Variants in TMEM184C observed in about 807,000 individuals in gnomAD.
TMEM184C encodes the protein transmembrane protein 184C.
A neutral mutation model predicts 54.5 loss-of-function variants in TMEM184C; 25 were observed. The ratio of observed to expected loss-of-function variants is 0.46; its 90% CI spans 0.33 to 0.64. TMEM184C has a LOEUF of 0.64. Among genes scored for constraint, TMEM184C ranks in the 30% least tolerant of loss-of-function variants. TMEM184C has a pLI of 0.02. For missense variants in TMEM184C, 335 were observed against 520.3 expected (o/e 0.64, Z 3.46); for synonymous variants, 148 against 181.5 (o/e 0.82, Z 1.49).
intron 1 of TMEM184C, among the ~76,000 whole-genome samples, chr4:147,622,016 G>A (rs1451390450): frequency 8.7e-5 from 12 of 137,836 alleles, no homozygotes; most frequent in African/African-American, 3.3e-4. Context: ...CCAGGGTCTC[G>A]CTCTGTCACC....
intron 4 of TMEM184C, among the ~76,000 whole-genome samples, chr4:147,625,504 T>TG (rs1732798309): frequency 6.6e-6 from 1 of 152,240 alleles, no homozygotes; most frequent in Non-Finnish European, 1.5e-5. Context: ...AGTTTACAAT[T>TG]GCATTTATTA....
intron 4 of TMEM184C, 133 bp downstream of exon 4, chr4:147,625,142 A>T: frequency 1.3e-6 from 1 of 792,348 alleles, no homozygotes; most frequent in South Asian, 1.9e-5. Flanking sequence ...ACAGCTCCTG[A>T]TGCAGTTCAT....
At position 147,636,288 on chromosome 4, in the gene TMEM184C, G is replaced by A. The variant is rs1733041405; in HGVS notation, c.*1854G>A. On this transcript the variant is annotated 3_prime_UTR_variant, in exon 10 of 10. Transcript: ENST00000296582. ...ATAAAAACACATACACAGGCCAGTGGGACAGAAGAAAGAGTCCAGATATAA... is the reference window on the plus strand; with the variant it reads ...ATAAAAACACATACACAGGCCAGTGAGACAGAAGAAAGAGTCCAGATATAA... 2 of 151,994 alleles carry A rather than the reference G, an allele frequency of 1.3e-5. No individual in the cohort carries two copies. The highest frequency in any genetic ancestry group is 4.8e-5 in the African/African-American group (2 of 41,396). The allele number at this position is 151,994 out of a possible 1,614,324, so 9.4% of individuals were successfully genotyped here.
intron 3 of TMEM184C, 85 bp downstream of exon 3, chr4:147,624,183 T>C: frequency 8.3e-7 from 1 of 1,211,070 alleles, no homozygotes; most frequent in South Asian, 1.4e-5. Flanking sequence ...AATGAAAGTA[T>C]GTTATTGACA....
intron 6 of TMEM184C, among the ~76,000 whole-genome samples, chr4:147,631,017 A>G (rs1732906866): frequency 6.6e-6 from 1 of 152,118 alleles, no homozygotes; most frequent in East Asian, 1.9e-4. Flanking sequence ...TTAGTTACAT[A>G]GGATAGACTA....
rs1333011504 is a variant in TMEM184C, at chr4:147,635,664, A to G, written c.*1230A>G. ...AGAGATAGTGGTTCACAGTAATCAT[A>G]CAAAGTCTTTATTCCATCCACTATT... is the stretch of plus-strand genomic sequence containing the variant. On this transcript the variant is annotated 3_prime_UTR_variant, in exon 10 of 10. Coordinates refer to ENST00000296582, the MANE Select transcript of TMEM184C (RefSeq NM_018241.3). 6.6e-6 allele frequency: 1 copy of G among 152,190 alleles called. No homozygotes were observed. The highest frequency in any genetic ancestry group is 1.5e-5 in the Non-Finnish European group (1 of 68,006). 9.4% of individuals were successfully genotyped at this position (152,190 alleles called of 1,614,324 possible). A position where few individuals can be genotyped will look rare whatever the true frequency, so the allele number is the denominator to read the frequency against.
chr4:147,617,785 C>T lies in TMEM184C; in HGVS notation c.-172C>T, dbSNP rs1288961887. On this transcript the variant is annotated 5_prime_UTR_variant, in exon 1 of 10. Transcript: ENST00000296582. ...GAGGCTACATTTGCAGAAGCAGCAG[C>T]AGCAGAAGACACAGCGCCGGTCCAG... 2 of 801,526 alleles carry T rather than the reference C, an allele frequency of 2.5e-6. No homozygotes were observed. Among genetic ancestry groups the T allele is most frequent in the Admixed American group, 2.2e-5 (1 of 45,866 alleles). The allele number at this position is 801,526 out of a possible 1,614,324, so 49.7% of individuals were successfully genotyped here.
At chr4:147,620,501 G>C (rs1732689079) in intron 1 of TMEM184C, among the ~76,000 whole-genome samples, 1 of 152,228 alleles carries the variant, frequency 6.6e-6, no homozygotes, top group African/African-American at 2.4e-5. Flanking sequence ...ACCAGCTATG[G>C]AAAATAAAGC....
chr4:147,624,553 C>G (rs1207393971), intron 3 of TMEM184C, among the ~76,000 whole-genome samples: 1 of 152,114 alleles, frequency 6.6e-6, no homozygotes, highest in African/African-American at 2.4e-5. Flanking sequence ...CTTACTTTAG[C>G]TTCTCTCTTT....
At position 147,629,665 on chromosome 4, in the gene TMEM184C, G is replaced by T. The variant is rs778167429; in HGVS notation, c.639G>T (p.Leu213Phe). The change falls in exon 6 of 10, where the codon TTG becomes TTT. Residue 213 changes from leucine to phenylalanine, a missense_variant. Transcript: ENST00000296582. ...GCTTTTCAAATGCTTGGACTTATTT[G>T]GTTATAATAAACAACATGTCACAGT... ...NFSFSNAWTY[L>F]VIINNMSQLF... 6.3e-7 allele frequency: 1 copy of T among 1,589,458 alleles called. No individual in the cohort carries two copies. The highest frequency in any genetic ancestry group is 8.5e-7 in the Non-Finnish European group (1 of 1,170,012).
chr4:147,622,736 A>C (rs1366160916), intron 1 of TMEM184C, among the ~76,000 whole-genome samples: 1 of 152,160 alleles, frequency 6.6e-6, no homozygotes, highest in East Asian at 1.9e-4. Context: ...ACGCCCCCAC[A>C]ATCAGTAAGA....
chr4:147,632,310 A>T (rs13119467), intron 7 of TMEM184C, among the ~76,000 whole-genome samples: 2 of 151,972 alleles, frequency 1.3e-5, no homozygotes, highest in Non-Finnish European at 2.9e-5. Flanking sequence ...CCAGAAAAGA[A>T]TGATTAACAT....
Position 147,624,905 on chromosome 4 carries a change from T to C in TMEM184C, c.393T>C (p.Asn131=). 6.2e-7 allele frequency: 1 copy of C among 1,613,946 alleles called. No individual in the cohort carries two copies. Among genetic ancestry groups the C allele is most frequent in the Non-Finnish European group, 8.5e-7 (1 of 1,179,898 alleles). Residue 131 remains asparagine, a synonymous_variant, in exon 4 of 10, where the codon AAT becomes AAC. Transcript: ENST00000296582. ...ACAACTTTATGGGATTCCTTACCAA[T>C]TATCTAACTAACCGGTATCCAAATC... The part of the protein sequence containing the change: ...VIYNFMGFLT[N]YLTNRYPNLV...
intron 5 of TMEM184C, 67 bp downstream of exon 5, chr4:147,628,502 T>A: frequency 7.9e-7 from 1 of 1,273,402 alleles, no homozygotes; most frequent in Non-Finnish European, 1.1e-6. Flanking sequence ...AACAACTAAG[T>A]AGAAAACATA....
chr4:147,617,806 T>C lies in TMEM184C; in HGVS notation c.-151T>C. ...GCAGCAGCAGAAGACACAGCGCCGG[T>C]CCAGGAGGCGGCTCGAGCTGTTCGT... On this transcript the variant is annotated 5_prime_UTR_variant, in exon 1 of 10. Transcript: ENST00000296582. 9.5e-7 allele frequency: 1 copy of C among 1,054,462 alleles called. No individual in the cohort carries two copies. 65.3% of individuals were successfully genotyped at this position (1,054,462 alleles called of 1,614,324 possible).
chr4:147,623,696 T>A (rs1732758390), intron 1 of TMEM184C, 138 bp from the exon 2 acceptor site: 1 of 734,608 alleles, frequency 1.4e-6, no homozygotes, highest in East Asian at 2.9e-5. Flanking sequence ...CAGGCTGGTT[T>A]CAAACTCCTG....
rs1560953536 is a variant in TMEM184C, at chr4:147,628,440, G to A, written c.572+5G>A. 1 of 1,612,432 alleles carries A rather than the reference G, an allele frequency of 6.2e-7. No individual in the cohort carries two copies. Among genetic ancestry groups the A allele is most frequent in the Non-Finnish European group, 8.5e-7 (1 of 1,179,334 alleles). On this transcript the variant is annotated splice_donor_5th_base_variant and intron_variant, in intron 5 of 9. Coordinates refer to ENST00000296582, the MANE Select transcript of TMEM184C (RefSeq NM_018241.3). ...TTTCACCACCATCGTTGCTTTGTAA[G>A]TACTCGGATTTTATATGAACTTTTT...
intron 4 of TMEM184C, among the ~76,000 whole-genome samples, chr4:147,626,226 C>T (rs1334332580): frequency 6.6e-6 from 1 of 152,194 alleles, no homozygotes; most frequent in East Asian, 1.9e-4. Context: ...GTTAGTCCTA[C>T]AAAGGCAATC....
In TMEM184C at chr4:147,634,234, A is replaced by G; in HGVS notation, c.1117A>G (p.Thr373Ala). 1 of 1,614,174 alleles carries G rather than the reference A, an allele frequency of 6.2e-7. No individual in the cohort carries two copies. The highest frequency in any genetic ancestry group is 1.3e-5 in the African/African-American group (1 of 75,052). ...CGAGGATCAAGATCAAAATGAACAT[A>G]CAAGTTTATTATCATCATCATCACA... ...FPEDQDQNEH[T>A]SLLSSSSQDA... The change falls in exon 10 of 10, where the codon ACA (threonine) becomes GCA (alanine). Residue 373 changes from threonine to alanine, a missense_variant. Coordinates refer to ENST00000296582, the MANE Select transcript of TMEM184C (RefSeq NM_018241.3).
Sources: gnomAD v4.1 joint callset for allele counts (sites outside exome capture counted in the v4.1 genomes callset) on GRCh38, gnomAD v4.1.1 for gene constraint, MANE v1.5 for transcripts, NCBI Gene and HGNC (gene_info 2026-07-23, HGNC 2026-07-21) for gene names.